B3GALT1: variants seen among roughly 807,000 people sequenced by gnomAD.
B3GALT1 encodes UDP-Gal:betaGlcNAc beta 1,3-galactosyltransferase, polypeptide 1.
In B3GALT1, 10 loss-of-function variants were observed where a neutral mutation model predicts 23.2. The ratio of observed to expected loss-of-function variants is 0.43; its 90% CI spans 0.27 to 0.73. The LOEUF (loss-of-function observed/expected upper bound fraction) is 0.73, where lower values mean the gene tolerates loss of function less well. Among genes scored for constraint, B3GALT1 ranks in the 30% least tolerant of loss-of-function variants. B3GALT1 has a pLI of 0.21. For missense variants in B3GALT1, 299 were observed against 405.4 expected (o/e 0.74, Z 2.25); for synonymous variants, 156 against 141.5 (o/e 1.10, Z -0.73).
rs985248845 is a variant in B3GALT1 at position 167,664,636 on chromosome 2, C to A, written c.-352+17670C>A. ...ATTTGTTTGTATCCTCTTTTATTTC[C>A]TCGAGCAGTGGTTTGTAGTTCTCCT... On this transcript the variant is annotated intron_variant, in intron 3 of 4. Transcript: ENST00000392690. Among the ~76,000 whole-genome samples the A allele has an allele frequency of 1.4e-3, 218 of 152,164 alleles. 1 individual carries two copies. The highest frequency in any genetic ancestry group is 2.5e-3 in the Non-Finnish European group (169 of 67,984).
At chr2:167,701,045 C>T (rs16854071) in intron 3 of B3GALT1, among the ~76,000 whole-genome samples, 4,089 of 152,190 alleles carry the variant, frequency 0.027, 204 homozygotes, top group East Asian at 0.16. Flanking sequence ...ATTTAATATT[C>T]ACGTCAACCT....
intron 2 of B3GALT1, among the ~76,000 whole-genome samples, chr2:167,594,867 C>T (rs1684748681): frequency 6.6e-6 from 1 of 151,988 alleles, no homozygotes; most frequent in Admixed American, 6.6e-5. Context: ...GATTGCGTGA[C>T]TGCACTCTAG....
At position 167,457,233 on chromosome 2, in the gene B3GALT1, C is replaced by T. The variant is rs190026431; in HGVS notation, c.-510-32944C>T. On this transcript the variant is annotated intron_variant, in intron 1 of 4. Transcript: ENST00000392690. ...TGTCACCCAGGCTGGAGTGCAGTGG[C>T]GCGATCTCGGCTCACTGCAGCTTCC... Among the ~76,000 whole-genome samples the T allele has an allele frequency of 5.9e-3, 901 of 152,008 alleles. 11 individuals are homozygous for T. Among genetic ancestry groups the T allele is most frequent in the African/African-American group, 0.021 (862 of 41,478 alleles).
chr2:167,627,429 A>G (rs539547849), intron 2 of B3GALT1, among the ~76,000 whole-genome samples: 2 of 151,836 alleles, frequency 1.3e-5, no homozygotes, highest in African/African-American at 4.8e-5. Context: ...TGCAATATAT[A>G]ACTTTTTGAG....
intron 1 of B3GALT1, among the ~76,000 whole-genome samples, chr2:167,453,524 A>C (rs1174977911): frequency 1.3e-5 from 2 of 152,222 alleles, no homozygotes; most frequent in African/African-American, 4.8e-5. Flanking sequence ...ACAAAGCTGA[A>C]ACATGGTTGT....
intron 3 of B3GALT1, among the ~76,000 whole-genome samples, chr2:167,661,073 G>T (rs567362123): frequency 2.0e-5 from 3 of 152,078 alleles, no homozygotes; most frequent in Non-Finnish European, 4.4e-5. Context: ...GATTTTCTTC[G>T]TTGTGCAACG....
intron 3 of B3GALT1, among the ~76,000 whole-genome samples, chr2:167,792,729 G>A (rs1006381340): frequency 6.6e-6 from 1 of 152,166 alleles, no homozygotes; most frequent in Non-Finnish European, 1.5e-5. Context: ...TTCCCTTCTG[G>A]AAAGGATATT....
At chr2:167,585,542 A>G (rs1684571985) in intron 2 of B3GALT1, among the ~76,000 whole-genome samples, 1 of 152,232 alleles carries the variant, frequency 6.6e-6, no homozygotes, top group African/African-American at 2.4e-5. Flanking sequence ...ATTTAAGAAA[A>G]TGACAAATCT....
At chr2:167,865,621 C>G (rs1346577158) in intron 4 of B3GALT1, among the ~76,000 whole-genome samples, 1 of 151,980 alleles carries the variant, frequency 6.6e-6, no homozygotes, top group African/African-American at 2.4e-5. Context: ...GAAACCCCGT[C>G]TCTACTAAAA....
chr2:167,768,991 C>A (rs1688025196), intron 3 of B3GALT1, among the ~76,000 whole-genome samples: 1 of 152,226 alleles, frequency 6.6e-6, no homozygotes, highest in South Asian at 2.1e-4. Context: ...AAAGTAATAT[C>A]CTTCCAGAAT....
chr2:167,649,181 T>A (rs1685811517), intron 3 of B3GALT1, among the ~76,000 whole-genome samples: 1 of 152,138 alleles, frequency 6.6e-6, no homozygotes, highest in African/African-American at 2.4e-5. Flanking sequence ...TTGATTTACT[T>A]TTTAATATTA....
At chr2:167,677,544 C>T (rs867511631) in intron 3 of B3GALT1, among the ~76,000 whole-genome samples, 4 of 152,204 alleles carry the variant, frequency 2.6e-5, no homozygotes, top group African/African-American at 9.6e-5. Flanking sequence ...TTTAGCATGG[C>T]CCTATAAGGC....
At chr2:167,515,826 A>G (rs1197990651) in intron 2 of B3GALT1, among the ~76,000 whole-genome samples, 1 of 152,086 alleles carries the variant, frequency 6.6e-6, no homozygotes, top group Non-Finnish European at 1.5e-5. Context: ...AGCAATCAAG[A>G]TATTTTTATT....
At chr2:167,418,296 T>G (rs978763257) in intron 1 of B3GALT1, among the ~76,000 whole-genome samples, 9 of 152,150 alleles carry the variant, frequency 5.9e-5, no homozygotes, top group Non-Finnish European at 1.3e-4. Context: ...CTTTCTCTTC[T>G]TAGATATGCA....
chr2:167,501,497 T>C (rs1263837605), intron 2 of B3GALT1, among the ~76,000 whole-genome samples: 1 of 151,876 alleles, frequency 6.6e-6, no homozygotes, highest in Non-Finnish European at 1.5e-5. Flanking sequence ...ATTTCTGATT[T>C]TTGTTTAAAG....
intron 2 of B3GALT1, among the ~76,000 whole-genome samples, chr2:167,524,447 A>G (rs1310404955): frequency 3.3e-5 from 5 of 152,202 alleles, no homozygotes; most frequent in African/African-American, 1.2e-4. Flanking sequence ...ATAAACTGCT[A>G]AACTCAGTTC....
chr2:167,483,917 A>G (rs1388515781), intron 1 of B3GALT1, among the ~76,000 whole-genome samples: 1 of 152,048 alleles, frequency 6.6e-6, no homozygotes, highest in African/African-American at 2.4e-5. Context: ...CATGGATCGC[A>G]TGGAAATTCC....
chr2:167,635,559 CAG>C (rs1329300225), intron 2 of B3GALT1, among the ~76,000 whole-genome samples: 2 of 151,976 alleles, frequency 1.3e-5, no homozygotes, highest in Admixed American at 6.6e-5. Flanking sequence ...CAATAACAGA[CAG>C]AGAGCCAAAT....
chr2:167,750,630 G>A (rs115191377), intron 3 of B3GALT1, among the ~76,000 whole-genome samples: 3,217 of 150,084 alleles, frequency 0.021, 123 homozygotes, highest in African/African-American at 0.074. Flanking sequence ...GGTGTCATAT[G>A]ACTAATCATG....
Sources: gnomAD v4.1 joint callset for allele counts (sites outside exome capture counted in the v4.1 genomes callset) on GRCh38, gnomAD v4.1.1 for gene constraint, MANE v1.5 for transcripts, NCBI Gene and HGNC (gene_info 2026-07-23, HGNC 2026-07-21) for gene names.